The following ADK variants were observed in gnomAD, a reference collection of about 807,000 sequenced individuals.
ADK encodes the protein adenosine kinase.
In ADK, 24 loss-of-function variants were observed where a neutral mutation model predicts 44.7. The ratio of observed to expected loss-of-function variants is 0.54; its 90% CI spans 0.39 to 0.76. The LOEUF is 0.76. ADK is among the 30% of genes least tolerant of loss of function. The probability of loss-of-function intolerance (pLI) is 0.00; values close to 1 mark genes in which losing one functional copy is unlikely to be tolerated. For missense variants in ADK, 321 were observed against 425.1 expected (o/e 0.76, Z 2.15); for synonymous variants, 128 against 142.6 (o/e 0.90, Z 0.73).
chr10:74,297,029 G>A (rs1393946957), intron 3 of ADK, among the ~76,000 whole-genome samples: 1 of 152,184 alleles, frequency 6.6e-6, no homozygotes, highest in Admixed American at 6.5e-5. Context: ...CTAGGTTGTA[G>A]CTACCCAATG....
At chr10:74,604,090 T>G (rs1273100740) in intron 9 of ADK, among the ~76,000 whole-genome samples, 1 of 152,230 alleles carries the variant, frequency 6.6e-6, no homozygotes, top group Non-Finnish European at 1.5e-5. Flanking sequence ...CACTTTTTGA[T>G]GTGGTTGTTT....
chr10:74,691,914 G>C (rs940692238), intron 10 of ADK, among the ~76,000 whole-genome samples: 26 of 151,898 alleles, frequency 1.7e-4, no homozygotes, highest in African/African-American at 5.8e-4. Flanking sequence ...ATTTATTGCT[G>C]GTAAAAAATG....
At chr10:74,349,218 T>A (rs534431792) in intron 4 of ADK, among the ~76,000 whole-genome samples, 1 of 152,338 alleles carries the variant, frequency 6.6e-6, no homozygotes, top group Admixed American at 6.5e-5. Context: ...CAGATCTCTC[T>A]GCAGAAACCC....
chr10:74,511,157 A>T (rs1848305355), intron 6 of ADK, among the ~76,000 whole-genome samples: 1 of 152,194 alleles, frequency 6.6e-6, no homozygotes, highest in South Asian at 2.1e-4. Context: ...TTTTGTCAAA[A>T]ATCATTTTGC....
intron 7 of ADK, among the ~76,000 whole-genome samples, chr10:74,557,804 G>T (rs1267654011): frequency 6.6e-6 from 1 of 152,164 alleles, no homozygotes; most frequent in Non-Finnish European, 1.5e-5. Flanking sequence ...ACATGGGTTG[G>T]CTCAAAAAGG....
intron 9 of ADK, among the ~76,000 whole-genome samples, chr10:74,613,385 G>T (rs1183640457): frequency 6.6e-6 from 1 of 152,034 alleles, no homozygotes; most frequent in Non-Finnish European, 1.5e-5. Context: ...CTTTTTAACA[G>T]CTAAGGGTCT....
At chr10:74,187,959 T>C (rs1181996843) in intron 1 of ADK, among the ~76,000 whole-genome samples, 1 of 152,208 alleles carries the variant, frequency 6.6e-6, no homozygotes, top group African/African-American at 2.4e-5. Context: ...TAAATTTTGA[T>C]AGAATTAATC....
chr10:74,367,094 T>C (rs1842520660), intron 4 of ADK, among the ~76,000 whole-genome samples: 1 of 152,204 alleles, frequency 6.6e-6, no homozygotes, highest in African/African-American at 2.4e-5. Context: ...AAGAAAAATT[T>C]GCTATAGAAA....
rs141459088 is a variant in ADK, at chr10:74,552,620, T to A, written c.726+27194T>A. Among the ~76,000 whole-genome samples the A allele has an allele frequency of 5.0e-3, 756 of 152,262 alleles. 6 individuals are homozygous for A. The highest frequency in any genetic ancestry group is 0.018 in the African/African-American group (728 of 41,556). On this transcript the variant is annotated intron_variant, in intron 7 of 10. Coordinates refer to ENST00000539909, the MANE Select transcript of ADK (RefSeq NM_006721.4). ...TGCCTTAATAAAGCTTTTTTTTTTT[T>A]TTAAGGATACCATTAAGATAATGAA...
chr10:74,393,249 T>C (rs757663469), intron 4 of ADK, among the ~76,000 whole-genome samples: 1 of 152,202 alleles, frequency 6.6e-6, no homozygotes, highest in Admixed American at 6.5e-5. Flanking sequence ...AGATTATTTG[T>C]AGGTTATTTT....
chr10:74,227,446 A>G (rs1844583540), intron 3 of ADK, among the ~76,000 whole-genome samples: 2 of 152,164 alleles, frequency 1.3e-5, no homozygotes. Flanking sequence ...ATGGTGGTTC[A>G]CATGTGTAAT....
chr10:74,290,100 A>ACACT (rs1847352479), intron 3 of ADK, among the ~76,000 whole-genome samples: 2 of 142,636 alleles, frequency 1.4e-5, no homozygotes, highest in Non-Finnish European at 3.1e-5. Flanking sequence ...ACACACACAC[A>ACACT]CTCACACACA....
chr10:74,681,849 C>CAA (rs34381749), intron 10 of ADK, among the ~76,000 whole-genome samples: 92 of 93,116 alleles, frequency 9.9e-4, no homozygotes, highest in African/African-American at 3.5e-3. Flanking sequence ...GACTCCATCT[C>CAA]AAAAAAAAAA....
At chr10:74,165,466 CT>C (rs754329555) in intron 1 of ADK, among the ~76,000 whole-genome samples, 17 of 145,056 alleles carry the variant, frequency 1.2e-4, no homozygotes, top group Admixed American at 1.4e-4. Flanking sequence ...TCCTGGGGAG[CT>C]TTTTTTTTTA....
Position 74,404,637 on chromosome 10 carries a change from C to G in ADK, c.555+6058C>G, listed in dbSNP as rs546130529. On this transcript the variant is annotated intron_variant, in intron 6 of 10. Transcript: ENST00000539909. ...AGTTCTTGATAAGAAATCTGACATT[C>G]TTTTGTTCTTCAATGTTTCACAACC... 3.3e-5 allele frequency among the ~76,000 whole-genome samples: 5 copies of G among 152,246 alleles called. No individual in the cohort carries two copies. The East Asian group carries it at 9.6e-4, about 29-fold the overall frequency.
chr10:74,423,633 G>T (rs1419713468), intron 6 of ADK: 3 of 377,414 alleles, frequency 7.9e-6, no homozygotes, highest in Non-Finnish European at 1.0e-5. Flanking sequence ...CCTGTGCTTC[G>T]TGGAATTCTG....
At chr10:74,487,466 T>G (rs1274628043) in intron 6 of ADK, among the ~76,000 whole-genome samples, 2 of 151,982 alleles carry the variant, frequency 1.3e-5, no homozygotes, top group Admixed American at 6.6e-5. Flanking sequence ...CATTTTGTTT[T>G]TTTTCTGGGC....
chr10:74,303,585 G>GTTTT (rs1282565148), intron 3 of ADK, among the ~76,000 whole-genome samples: 3,492 of 64,508 alleles, frequency 0.054, 1,044 homozygotes, highest in Middle Eastern at 0.088. Flanking sequence ...TGGTTTTAAT[G>GTTTT]TTGTTTTTTT....
intron 4 of ADK, among the ~76,000 whole-genome samples, chr10:74,376,777 C>CTTTTTTTTTTTTTTTTTTTTTTTT (rs35675013): frequency 7.4e-6 from 1 of 135,378 alleles, no homozygotes. Context: ...TCTCTCTCGT[C>CTTTTTTTTTTTTTTTTTTTTTTTT]TTTTTTTTTT....
Sources: allele counts gnomAD v4.1 joint callset (sites outside exome capture counted in the v4.1 genomes callset), GRCh38; gene constraint gnomAD v4.1.1; transcripts MANE v1.5; gene names NCBI Gene and HGNC (gene_info 2026-07-23, HGNC 2026-07-21).